NCOA6: variants seen among roughly 807,000 people sequenced by gnomAD.
The protein encoded by NCOA6 is NRC RAP250.
In NCOA6, 49 loss-of-function variants were observed where a neutral mutation model predicts 171.4. The ratio of observed to expected loss-of-function variants is 0.29; its 90% confidence interval spans 0.23 to 0.36. The LOEUF (loss-of-function observed/expected upper bound fraction) is 0.36, where lower values mean the gene tolerates loss of function less well. Among genes scored for constraint, NCOA6 ranks in the 10% least tolerant of loss-of-function variants. The pLI, the probability that NCOA6 is intolerant of heterozygous loss-of-function variation, is 1.00. For missense variants in NCOA6, 2,248 were observed against 2,554.5 expected (o/e 0.88, Z 2.59); for synonymous variants, 910 against 927.5 (o/e 0.98, Z 0.34).
chr20:34,729,533 G>T (rs1418108284), intron 13 of NCOA6, among the ~76,000 whole-genome samples: 1 of 132,930 alleles, frequency 7.5e-6, no homozygotes, highest in African/African-American at 3.1e-5. Flanking sequence ...TAAAAATAAT[G>T]CAACAAAACA....
chr20:34,768,425 A>T, intron 5 of NCOA6, 39 bp downstream of exon 5: 1 of 1,607,948 alleles, frequency 6.2e-7, no homozygotes, highest in Non-Finnish European at 8.5e-7. Context: ...CAAAAAAGGA[A>T]ACTAGTAAAA....
At chr20:34,794,566 C>G (rs2078001779) in intron 1 of NCOA6, among the ~76,000 whole-genome samples, 1 of 151,700 alleles carries the variant, frequency 6.6e-6, no homozygotes, top group Non-Finnish European at 1.5e-5. Flanking sequence ...AAAAGATCTC[C>G]AAGATATATT....
At chr20:34,800,123 T>C (rs2078209418) in intron 1 of NCOA6, among the ~76,000 whole-genome samples, 1 of 152,088 alleles carries the variant, frequency 6.6e-6, no homozygotes, top group African/African-American at 2.4e-5. Context: ...TTTTTATTAG[T>C]TTTCTCTTTG....
At chr20:34,732,250 T>C (rs1049072860) in intron 13 of NCOA6, among the ~76,000 whole-genome samples, 1 of 152,194 alleles carries the variant, frequency 6.6e-6, no homozygotes, top group East Asian at 1.9e-4. Context: ...AATATTAATA[T>C]CAATGGTAAC....
rs1241315174 is a variant in NCOA6, at chr20:34,750,459, A to G, written c.1736T>C (p.Met579Thr). The part of the protein sequence containing the change: ...QMQVSHGPPN[M>T]MQPSLMGIHG... The stretch of plus-strand genomic sequence containing the variant: ...AATTCCCATGAGGCTGGGCTGCATC[A>G]TATTTGGCGGCCCGTGGGACACCTG... Residue 579 changes from methionine (M) to threonine (T), a missense_variant, in exon 9 of 15, where the codon ATG becomes ACG. This residue lies in a region of NCOA6 where 987 missense variants were observed against 1,104.7 expected (regional missense o/e 0.89). Transcript: ENST00000359003. 1.2e-6 allele frequency: 2 copies of G among 1,613,620 alleles called. No individual in the cohort carries two copies. The highest frequency in any genetic ancestry group is 1.3e-5 in the African/African-American group (1 of 74,818).
chr20:34,750,416 A>T lies in NCOA6; in HGVS notation c.1779T>A (p.Asn593Lys). ...SLMGIHGNMNNQQAGTSGVPQ... is the reference protein window; with the variant it reads ...SLMGIHGNMNKQQAGTSGVPQ... ...GAACCCCAGAAGTACCAGCCTGCTG[A>T]TTGTTCATGTTGCCATGAATTCCCA... Residue 593 changes from asparagine (N) to lysine (K), a missense_variant, in exon 9 of 15, where the codon AAT (asparagine) becomes AAA (lysine). This residue lies in a region of NCOA6 where 987 missense variants were observed against 1,104.7 expected (regional missense o/e 0.89). Transcript: ENST00000359003. The T allele has an allele frequency of 6.2e-7, 1 of 1,613,580 alleles. No individual in the cohort carries two copies. Among genetic ancestry groups the T allele is most frequent in the South Asian group, 1.1e-5 (1 of 91,058 alleles).
chr20:34,803,482 A>G (rs1465174161), intron 1 of NCOA6, among the ~76,000 whole-genome samples: 1 of 151,944 alleles, frequency 6.6e-6, no homozygotes, highest in Non-Finnish European at 1.5e-5. Flanking sequence ...AAAAAGAAAA[A>G]AAAAACAAAA....
In NCOA6 at chr20:34,732,425, G is replaced by A. The variant is rs1029947119; in HGVS notation, c.5999+134C>T. On this transcript the variant is annotated intron_variant, in intron 13 of 14. Transcript: ENST00000359003. ...GGACTCATGACAGCTCTCTACGTTA[G>A]CAGTAAAAACAGACTGGTGCAAGAG... 1.5e-5 allele frequency: 11 copies of A among 727,996 alleles called. No individual in the cohort carries two copies. The African/African-American group carries it at 2.0e-4, about 13-fold the overall frequency. 45.1% of individuals were successfully genotyped at this position (727,996 alleles called of 1,614,324 possible).
chr20:34,727,352 G>A lies in NCOA6; in HGVS notation c.6055C>T (p.Arg2019Ter). 1.2e-6 allele frequency: 2 copies of A among 1,614,104 alleles called. No individual in the cohort carries two copies. Among genetic ancestry groups the A allele is most frequent in the Non-Finnish European group, 1.7e-6 (2 of 1,180,036 alleles). ...KSKIPGRRNS[R>*]TEEPTVASES... is the part of the protein sequence containing the mutation. Reference sequence around the variant, plus strand: ...GAGGCCACAGTTGGCTCTTCAGTTCGGGAGTTTCTTCGGCCTGGGATTTTG... The same window carrying A: ...GAGGCCACAGTTGGCTCTTCAGTTCAGGAGTTTCTTCGGCCTGGGATTTTG... The change falls in exon 14 of 15, where the codon CGA becomes TGA. Residue 2019 changes from arginine to a stop codon, truncating the protein, a stop_gained. Coordinates refer to ENST00000359003, the MANE Select transcript of NCOA6 (RefSeq NM_014071.5). LOFTEE classifies it high-confidence loss of function.
chr20:34,776,933 A>G (rs2077341693), intron 3 of NCOA6, among the ~76,000 whole-genome samples: 1 of 152,160 alleles, frequency 6.6e-6, no homozygotes, highest in East Asian at 1.9e-4. Context: ...CCCAGCCAAC[A>G]TAATGAAACC....
At chr20:34,801,384 T>C (rs974456931) in intron 1 of NCOA6, among the ~76,000 whole-genome samples, 16 of 151,850 alleles carry the variant, frequency 1.1e-4, no homozygotes, top group Admixed American at 3.9e-4. Context: ...ATTGAAAGAA[T>C]ACACAAGATC....
rs144664761 is a variant in NCOA6, at chr20:34,715,840, T to C, written c.6149-475A>G. Among the ~76,000 whole-genome samples, 323 of 152,342 alleles carry C rather than the reference T, an allele frequency of 2.1e-3. 3 individuals carry two copies. Among genetic ancestry groups the C allele is most frequent in the African/African-American group, 7.3e-3 (302 of 41,576 alleles). On this transcript the variant is annotated intron_variant, in intron 14 of 14. Transcript: ENST00000359003. ...ATTGTTTCACAGTAAGGAACCATTT[T>C]TGTCATGCTATAGTCAAGGTCTAAA...
chr20:34,718,146 T>C (rs1988836691), intron 14 of NCOA6, among the ~76,000 whole-genome samples: 1 of 152,204 alleles, frequency 6.6e-6, no homozygotes, highest in South Asian at 2.1e-4. Context: ...CCTCATCTTT[T>C]GGATACTGTG....
At position 34,749,465 on chromosome 20, in the gene NCOA6, G is replaced by A. The variant is rs372333834; in HGVS notation, c.2730C>T (p.Asn910=). 24 of 1,613,698 alleles carry A rather than the reference G, an allele frequency of 1.5e-5. No homozygotes were observed. The highest frequency in any genetic ancestry group is 5.5e-5 in the South Asian group (5 of 91,048). ...FGVNNKQNNT[N]ANKPKKKKPP... is the part of the protein sequence containing the mutation. ...GTTTCTTCTTCTTCGGTTTATTTGC[G>A]TTGGTATTATTTTGCTTATTGTTTA... The change falls in exon 9 of 15, where the codon AAC becomes AAT. Residue 910 remains asparagine (N), a synonymous_variant. Coordinates refer to ENST00000359003, the MANE Select transcript of NCOA6 (RefSeq NM_014071.5).
At chr20:34,806,801 C>T (rs2078466534) in intron 1 of NCOA6, among the ~76,000 whole-genome samples, 1 of 152,156 alleles carries the variant, frequency 6.6e-6, no homozygotes, top group Admixed American at 6.6e-5. Context: ...GTTTTGGTTA[C>T]AATAGTTTTG....
At chr20:34,736,580 A>G in intron 12 of NCOA6, 110 bp downstream of exon 12, 1 of 898,532 alleles carries the variant, frequency 1.1e-6, no homozygotes, top group Non-Finnish European at 1.7e-6. Context: ...AAACAGATAA[A>G]ATAGTTCCTG....
intron 14 of NCOA6, among the ~76,000 whole-genome samples, chr20:34,719,021 C>T (rs1217085591): frequency 6.6e-6 from 1 of 152,168 alleles, no homozygotes; most frequent in Non-Finnish European, 1.5e-5. Context: ...GTAGTCAAAT[C>T]ATTTATATCC....
intron 4 of NCOA6, among the ~76,000 whole-genome samples, chr20:34,772,810 T>G (rs2077192252): frequency 6.6e-6 from 1 of 152,164 alleles, no homozygotes; most frequent in South Asian, 2.1e-4. Context: ...TTCTTAATTT[T>G]AATAGAGCTG....
chr20:34,776,144 G>A (rs1260895051), intron 4 of NCOA6, 149 bp downstream of exon 4: 1 of 977,240 alleles, frequency 1.0e-6, no homozygotes, highest in Non-Finnish European at 1.5e-6. Flanking sequence ...TCATCCTAAG[G>A]TGCTGCAAAG....
Sources: allele counts gnomAD v4.1 joint callset (sites outside exome capture counted in the v4.1 genomes callset), GRCh38; gene constraint gnomAD v4.1.1; regional missense constraint gnomAD v4.1.1; transcripts MANE v1.5; gene names NCBI Gene and HGNC (gene_info 2026-07-23, HGNC 2026-07-21).